The following C12orf60 variants were observed in gnomAD, a reference collection of about 807,000 sequenced individuals.
C12orf60 encodes uncharacterized protein C12orf60.
For synonymous variants in C12orf60, 102 were observed against 94.6 expected, an observed-to-expected ratio of 1.08 and a Z score of -0.45; for missense variants, 284 against 283.2, an observed-to-expected ratio of 1.00 and a Z score of -0.02.
Position 14,823,628 on chromosome 12 carries a change from T to A in C12orf60, c.693T>A (p.Thr231=). 1.3e-6 allele frequency: 2 copies of A among 1,594,992 alleles called. No individual in the cohort carries two copies. Among genetic ancestry groups the A allele is most frequent in the Non-Finnish European group, 1.7e-6 (2 of 1,173,806 alleles). Residue 231 remains threonine, a synonymous_variant, in exon 2 of 2, where the codon ACT becomes ACA. Coordinates refer to ENST00000330828, the MANE Select transcript of C12orf60 (RefSeq NM_175874.4). ...AGATCCTCCAAAAAGCGATAAAGAC[T>A]ATGGAAATGAATATTTCTGTGTTTA... The part of the protein sequence containing the change: ...ILEILQKAIK[T]MEMNISVFKK...
At chr12:14,811,532 A>G (rs1037036441) in intron 1 of C12orf60, among the ~76,000 whole-genome samples, 6 of 152,198 alleles carry the variant, frequency 3.9e-5, no homozygotes, top group African/African-American at 1.4e-4. Flanking sequence ...AAGAAATGAA[A>G]ATGGAGACAA....
At position 14,823,022 on chromosome 12, in the gene C12orf60, C is replaced by A; in HGVS notation, c.87C>A (p.Val29=). The A allele has an allele frequency of 6.2e-7, 1 of 1,613,602 alleles. No individual in the cohort carries two copies. The highest frequency in any genetic ancestry group is 1.1e-5 in the South Asian group (1 of 91,054). The change falls in exon 2 of 2, where the codon GTC becomes GTA. Residue 29 remains valine, a synonymous_variant. Transcript: ENST00000330828. ...FFFHVQDLAS[V]INTLTELFSR... Reference sequence around the variant, plus strand: ...TTCATGTACAAGATCTTGCTTCTGTCATAAACACACTGACTGAATTGTTTA... The same window carrying A: ...TTCATGTACAAGATCTTGCTTCTGTAATAAACACACTGACTGAATTGTTTA...
At chr12:14,813,509 A>G (rs552541914) in intron 1 of C12orf60, among the ~76,000 whole-genome samples, 15 of 152,260 alleles carry the variant, frequency 9.9e-5, no homozygotes, top group Non-Finnish European at 2.1e-4. Context: ...TTCTGACCAG[A>G]AAGAAGAATA....
intron 1 of C12orf60, 139 bp from the exon 2 acceptor site, chr12:14,822,773 C>A: frequency 1.6e-6 from 1 of 626,978 alleles, no homozygotes; most frequent in South Asian, 2.9e-5. Flanking sequence ...AGCATAGTAC[C>A]ATTTTTGTTT....
At chr12:14,809,529 C>T (rs1208399014) in intron 1 of C12orf60, among the ~76,000 whole-genome samples, 1 of 152,036 alleles carries the variant, frequency 6.6e-6, no homozygotes, top group Non-Finnish European at 1.5e-5. Flanking sequence ...ATTGTAGAAT[C>T]TCAAATCAAT....
At chr12:14,805,907 A>T (rs1950040081) in intron 1 of C12orf60, 1 of 1,226,168 alleles carries the variant, frequency 8.2e-7, no homozygotes, top group African/African-American at 1.5e-5. Context: ...TTAAGTCCAT[A>T]TTGGAAGCCT....
At chr12:14,805,901 G>T in intron 1 of C12orf60, 1 of 1,160,836 alleles carries the variant, frequency 8.6e-7, no homozygotes, top group Non-Finnish European at 1.2e-6. Flanking sequence ...TCTTATTTAA[G>T]TCCATATTGG....
intron 1 of C12orf60, among the ~76,000 whole-genome samples, chr12:14,822,312 C>G (rs1950318407): frequency 1.3e-5 from 2 of 149,872 alleles, no homozygotes; most frequent in South Asian, 4.2e-4. Flanking sequence ...CAGGAGAAGA[C>G]AAACGACAAC....
At chr12:14,817,496 A>G (rs924886612) in intron 1 of C12orf60, among the ~76,000 whole-genome samples, 2 of 151,600 alleles carry the variant, frequency 1.3e-5, no homozygotes, top group Non-Finnish European at 2.9e-5. Context: ...CCACTCCTCA[A>G]CTGGCCCTGG....
intron 1 of C12orf60, among the ~76,000 whole-genome samples, chr12:14,821,658 A>G (rs1950307165): frequency 6.6e-6 from 1 of 152,070 alleles, no homozygotes; most frequent in African/African-American, 2.4e-5. Context: ...TTAAGTCTAC[A>G]TGCATTGAAA....
chr12:14,822,787 C>T (rs11610238), intron 1 of C12orf60, 125 bp from the exon 2 acceptor site: 387,608 of 687,864 alleles, frequency 0.56, 111,721 homozygotes, highest in Admixed American at 0.65. Flanking sequence ...TTTGTTTCAA[C>T]GTATGTATAG....
chr12:14,819,846 T>G (rs1050395486), intron 1 of C12orf60, among the ~76,000 whole-genome samples: 6 of 152,058 alleles, frequency 3.9e-5, no homozygotes, highest in Non-Finnish European at 7.4e-5. Context: ...TTAAGGAATA[T>G]TGGTCTAGAG....
Position 14,823,592 on chromosome 12 carries a change from A to G in C12orf60, c.657A>G (p.Gly219=), listed in dbSNP as rs766291451. 3 of 1,612,116 alleles carry G rather than the reference A, an allele frequency of 1.9e-6. No individual in the cohort carries two copies. The highest frequency in any genetic ancestry group is 2.2e-5 in the South Asian group (2 of 90,456). Residue 219 remains glycine, a synonymous_variant, in exon 2 of 2, where the codon GGA becomes GGG. Transcript: ENST00000330828. ...DLLEQIVKAM[G]PILEILQKAI... ...TGGAACAAATTGTCAAGGCTATGGGACCAATCTTAGAGATCCTCCAAAAAG... is the reference window on the plus strand; with the variant it reads ...TGGAACAAATTGTCAAGGCTATGGGGCCAATCTTAGAGATCCTCCAAAAAG...
intron 1 of C12orf60, among the ~76,000 whole-genome samples, chr12:14,812,438 C>A (rs969253807): frequency 6.6e-6 from 1 of 150,740 alleles, no homozygotes; most frequent in African/African-American, 2.4e-5. Context: ...AGGGAGACTC[C>A]GTCTCAAAAA....
chr12:14,822,128 TG>T (rs1950315682), intron 1 of C12orf60, among the ~76,000 whole-genome samples: 2 of 22,422 alleles, frequency 8.9e-5, no homozygotes, highest in African/African-American at 1.7e-4. Flanking sequence ...GAGGGTGGGG[TG>T]GGGGGGCTAC....
At chr12:14,822,819 G>A in intron 1 of C12orf60, 93 bp from the exon 2 acceptor site, 2 of 1,063,902 alleles carry the variant, frequency 1.9e-6, no homozygotes, top group African/African-American at 3.2e-5. Context: ...TTGGCAGGGG[G>A]AGTTATCTTC....
In C12orf60 at chr12:14,823,265, A is replaced by G. The variant is rs778660432; in HGVS notation, c.330A>G (p.Ser110=). ...CCAATGTAGAGGAGTTGCATCAGTCAGCTAAAGAAGTATTCAAAAGTGCCC... is the reference window on the plus strand; with the variant it reads ...CCAATGTAGAGGAGTTGCATCAGTCGGCTAAAGAAGTATTCAAAAGTGCCC... ...KSTNVEELHQ[S]AKEVFKSAHT... Residue 110 remains serine, a synonymous_variant, in exon 2 of 2, where the codon TCA becomes TCG. Coordinates refer to ENST00000330828, the MANE Select transcript of C12orf60 (RefSeq NM_175874.4). 6.2e-7 allele frequency: 1 copy of G among 1,614,142 alleles called. No individual in the cohort carries two copies. Among genetic ancestry groups the G allele is most frequent in the South Asian group, 1.1e-5 (1 of 91,072 alleles).
Position 14,823,527 on chromosome 12 carries a change from G to C in C12orf60, c.592G>C (p.Glu198Gln), listed in dbSNP as rs563499044. ...AAAACTGCAGGATGTACTAAAAACTGAGGATTCCAAAAATCCCACAAAGTC... is the reference window on the plus strand; with the variant it reads ...AAAACTGCAGGATGTACTAAAAACTCAGGATTCCAAAAATCCCACAAAGTC... ...LKKLQDVLKT[E>Q]DSKNPTKSAA... is the part of the protein sequence containing the mutation. Residue 198 changes from glutamate to glutamine, a missense_variant, in exon 2 of 2, where the codon GAG (glutamate) becomes CAG (glutamine). Physicochemically the swap from Glu to Gln is conservative, Grantham distance 29. Transcript: ENST00000330828. 5.1e-5 allele frequency: 82 copies of C among 1,613,728 alleles called. No homozygotes were observed. The South Asian group carries it at 8.7e-4, about 17-fold the overall frequency.
At chr12:14,819,024 TTGG>T (rs1455645401) in intron 1 of C12orf60, among the ~76,000 whole-genome samples, 2 of 152,338 alleles carry the variant, frequency 1.3e-5, no homozygotes, top group African/African-American at 4.8e-5. Context: ...ATAAAGAATC[TTGG>T]TGGCATTTTT....
Sources: allele counts gnomAD v4.1 joint callset (sites outside exome capture counted in the v4.1 genomes callset), GRCh38; gene constraint gnomAD v4.1.1; transcripts MANE v1.5; gene names NCBI Gene and HGNC (gene_info 2026-07-23, HGNC 2026-07-21).